The following SGCZ variants were observed in gnomAD, a reference collection of about 807,000 sequenced individuals.
SGCZ encodes zeta-sarcoglycan.
Under a neutral mutation model 41.3 loss-of-function variants are expected in SGCZ, and 40 were observed. That is an observed-to-expected ratio of 0.97 (90% confidence interval 0.75 to 1.26). The LOEUF (loss-of-function observed/expected upper bound fraction) is 1.26, where lower values mean the gene tolerates loss of function less well. Among genes scored for constraint, SGCZ ranks in the 50% most tolerant of loss-of-function variants. The pLI is 0.00. For synonymous variants in SGCZ, 206 were observed against 137.5 expected (o/e 1.50, Z -3.49); for missense variants, 552 against 369.8 (o/e 1.49, Z -4.04).
chr8:14,148,680 C>G (rs535155875), intron 5 of SGCZ, among the ~76,000 whole-genome samples: 65 of 152,228 alleles, frequency 4.3e-4, no homozygotes, highest in Non-Finnish European at 6.6e-4. Context: ...TACTTCCAAA[C>G]TCATTCTATA....
chr8:14,493,161 C>T (rs1298942342), intron 2 of SGCZ, among the ~76,000 whole-genome samples: 2 of 151,882 alleles, frequency 1.3e-5, no homozygotes, highest in African/African-American at 4.8e-5. Flanking sequence ...CATTGGTAAT[C>T]GGATGAATAT....
At chr8:15,205,143 C>G in intron 1 of SGCZ, among the ~76,000 whole-genome samples, 1 of 152,092 alleles carries the variant, frequency 6.6e-6, no homozygotes, top group Non-Finnish European at 1.5e-5. Context: ...AAACCCAAAA[C>G]TATAAAAGCC....
chr8:14,873,042 T>C (rs1194731608), intron 1 of SGCZ, among the ~76,000 whole-genome samples: 2 of 152,054 alleles, frequency 1.3e-5, no homozygotes, highest in Admixed American at 1.3e-4. Context: ...AGATCCAAGA[T>C]GTAAGTTAGA....
At chr8:15,201,584 T>C (rs1459919945) in intron 1 of SGCZ, among the ~76,000 whole-genome samples, 1 of 152,164 alleles carries the variant, frequency 6.6e-6, no homozygotes, top group Non-Finnish European at 1.5e-5. Context: ...ATCACCCAAG[T>C]TCATGCATTG....
chr8:14,304,416 A>C (rs1420104542), intron 3 of SGCZ, among the ~76,000 whole-genome samples: 2 of 152,022 alleles, frequency 1.3e-5, no homozygotes, highest in Non-Finnish European at 2.9e-5. Context: ...CAATACAGTA[A>C]AACTTTGTCT....
At chr8:14,797,925 A>C (rs1463174667) in intron 1 of SGCZ, among the ~76,000 whole-genome samples, 1 of 152,224 alleles carries the variant, frequency 6.6e-6, no homozygotes, top group Non-Finnish European at 1.5e-5. Context: ...GCAGGTACAC[A>C]GAAGTCAAGA....
intron 1 of SGCZ, among the ~76,000 whole-genome samples, chr8:14,794,545 G>T (rs1801062761): frequency 6.6e-6 from 1 of 152,052 alleles, no homozygotes; most frequent in African/African-American, 2.4e-5. Flanking sequence ...AGAAAAGACT[G>T]TACAAAATAA....
At chr8:14,331,482 G>C (rs1359722792) in intron 2 of SGCZ, among the ~76,000 whole-genome samples, 1 of 152,004 alleles carries the variant, frequency 6.6e-6, no homozygotes, top group Non-Finnish European at 1.5e-5. Flanking sequence ...TTACAATGTT[G>C]TTTGCTGTAA....
At chr8:14,259,621 A>G (rs13269166) in intron 3 of SGCZ, among the ~76,000 whole-genome samples, 24,251 of 128,352 alleles carry the variant, frequency 0.19, 2,876 homozygotes, top group Middle Eastern at 0.26. Flanking sequence ...AGATAGTTGT[A>G]GATATGCGGC....
At chr8:14,225,434 A>G (rs958612866) in intron 4 of SGCZ, among the ~76,000 whole-genome samples, 11 of 151,966 alleles carry the variant, frequency 7.2e-5, no homozygotes, top group Non-Finnish European at 1.6e-4. Context: ...TTAATACTAA[A>G]AATTGAGGCT....
chr8:14,727,206 A>C (rs533356521), intron 1 of SGCZ, among the ~76,000 whole-genome samples: 3 of 152,180 alleles, frequency 2.0e-5, no homozygotes, highest in Non-Finnish European at 4.4e-5. Flanking sequence ...TAAATAGTCA[A>C]TAATCTCAGG....
chr8:14,684,000 T>C (rs913846738), intron 1 of SGCZ, among the ~76,000 whole-genome samples: 3 of 152,208 alleles, frequency 2.0e-5, no homozygotes, highest in Non-Finnish European at 2.9e-5. Context: ...GGTTTATCAC[T>C]TGTGCTTTTC....
intron 1 of SGCZ, among the ~76,000 whole-genome samples, chr8:15,109,994 G>T (rs1391726697): frequency 1.3e-5 from 2 of 152,118 alleles, no homozygotes; most frequent in African/African-American, 2.4e-5. Flanking sequence ...ATAAAGGATT[G>T]CATGTGGCAT....
intron 1 of SGCZ, among the ~76,000 whole-genome samples, chr8:14,948,439 A>G (rs1800524816): frequency 6.6e-6 from 1 of 151,934 alleles, no homozygotes; most frequent in South Asian, 2.1e-4. Context: ...TACTTTGAAA[A>G]GATTGTCCTC....
intron 1 of SGCZ, among the ~76,000 whole-genome samples, chr8:15,173,253 G>C (rs528286749): frequency 1.1e-4 from 17 of 152,264 alleles, no homozygotes; most frequent in African/African-American, 4.1e-4. Context: ...GTGTACAGTA[G>C]AGTAATTTTA....
intron 2 of SGCZ, among the ~76,000 whole-genome samples, chr8:14,333,639 C>T (rs1280607814): frequency 1.3e-5 from 2 of 152,058 alleles, no homozygotes. Context: ...AGTAGAGAAA[C>T]ACACTGTGTC....
chr8:14,879,543 A>G (rs997327011), intron 1 of SGCZ, among the ~76,000 whole-genome samples: 1 of 151,852 alleles, frequency 6.6e-6, no homozygotes, highest in African/African-American at 2.4e-5. Flanking sequence ...TATATATCAC[A>G]TACCAGGAGG....
chr8:15,211,064 CATAGATATATAG>C (rs1407488273), intron 1 of SGCZ, among the ~76,000 whole-genome samples: 2 of 136,276 alleles, frequency 1.5e-5, no homozygotes, highest in African/African-American at 5.4e-5. Flanking sequence ...TATAGATATA[CATAGATATATAG>C]ATAGATATAG....
intron 1 of SGCZ, among the ~76,000 whole-genome samples, chr8:14,702,739 A>G (rs1284849049): frequency 6.5e-5 from 5 of 76,650 alleles, no homozygotes; most frequent in Non-Finnish European, 1.5e-4. Context: ...AATGATAGAT[A>G]GATAGATAGA....
Sources: allele counts gnomAD v4.1 joint callset (sites outside exome capture counted in the v4.1 genomes callset), GRCh38; gene constraint gnomAD v4.1.1; transcripts MANE v1.5; gene names NCBI Gene and HGNC (gene_info 2026-07-23, HGNC 2026-07-21).